PLOD2: variants seen among roughly 807,000 people sequenced by gnomAD.
The protein encoded by PLOD2 is procollagen-lysine,2-oxoglutarate 5-dioxygenase 2.
A neutral mutation model predicts 101.0 loss-of-function variants in PLOD2; 65 were observed. That is an observed-to-expected ratio of 0.64 (90% CI 0.53 to 0.79). The LOEUF (loss-of-function observed/expected upper bound fraction) is 0.79. Among genes scored for constraint, PLOD2 ranks in the 30% least tolerant of loss-of-function variants. PLOD2 has a pLI of 0.00. For synonymous variants in PLOD2, 314 were observed against 302.9 expected, an observed-to-expected ratio of 1.04 and a Z score of -0.38; for missense variants, 909 against 914.6, an observed-to-expected ratio of 0.99 and a Z score of 0.08.
rs771610243 is a variant in PLOD2, at chr3:146,088,538, A to G, written c.1005+48T>C. ...CATAAATAACAAATAGTTCCAAAAA[A>G]GACCAAAAATAGTTTTGACATAAAA... On this transcript the variant is annotated intron_variant, in intron 9 of 19. Coordinates refer to ENST00000282903, the MANE Select transcript of PLOD2 (RefSeq NM_182943.3). 21 of 1,331,430 alleles carry G rather than the reference A, an allele frequency of 1.6e-5. No individual in the cohort carries two copies. The African/African-American group carries it at 2.5e-4, about 16-fold the overall frequency. The allele number at this position is 1,331,430 out of a possible 1,614,324, so 82.5% of individuals were successfully genotyped here.
intron 9 of PLOD2, among the ~76,000 whole-genome samples, chr3:146,087,401 T>C (rs1374857015): frequency 2.0e-5 from 3 of 151,704 alleles, no homozygotes; most frequent in African/African-American, 7.3e-5. Flanking sequence ...GAGAGTAAAA[T>C]AAATGGTCAT....
rs2030638778 is a variant in PLOD2, at chr3:146,127,455, A to AG, written c.110-3227dup. Among the ~76,000 whole-genome samples the AG allele has an allele frequency of 2.0e-5, 3 of 152,096 alleles. No homozygotes were observed. The South Asian group carries it at 6.2e-4, about 32-fold the overall frequency. On this transcript the variant is annotated intron_variant, in intron 1 of 19. Coordinates refer to ENST00000282903, the MANE Select transcript of PLOD2 (RefSeq NM_182943.3). ...TTCGGTTTTCCAAGTTAGCTCACAT[A>AG]GGATAATGGCCTCCAGCTCCATTCA... is the stretch of plus-strand genomic sequence containing the variant.
chr3:146,110,923 A>G (rs939591070), intron 3 of PLOD2, among the ~76,000 whole-genome samples: 1 of 152,326 alleles, frequency 6.6e-6, no homozygotes, highest in Admixed American at 6.5e-5. Context: ...TGTATGTTTA[A>G]TATCTGAATG....
chr3:146,124,802 GACA>G (rs747215779), intron 1 of PLOD2, among the ~76,000 whole-genome samples: 3 of 151,884 alleles, frequency 2.0e-5, no homozygotes, highest in Non-Finnish European at 4.4e-5. Context: ...TCTTACAAGC[GACA>G]ACATTATTTA....
chr3:146,151,843 G>C (rs76533001), intron 1 of PLOD2, among the ~76,000 whole-genome samples: 1,811 of 152,174 alleles, frequency 0.012, 39 homozygotes, highest in African/African-American at 0.042. Flanking sequence ...ACACAGACTA[G>C]CCAGTCAATA....
chr3:146,112,722 G>A (rs1016414818), intron 3 of PLOD2, among the ~76,000 whole-genome samples: 1 of 151,902 alleles, frequency 6.6e-6, no homozygotes, highest in African/African-American at 2.4e-5. Flanking sequence ...GTGGTGATGT[G>A]CGCCTGTAAT....
chr3:146,160,385 G>A (rs762775596), intron 1 of PLOD2, among the ~76,000 whole-genome samples: 2 of 152,168 alleles, frequency 1.3e-5, no homozygotes, highest in Non-Finnish European at 2.9e-5. Flanking sequence ...AACAACTAAG[G>A]TTTTCGAGCG....
At chr3:146,090,181 A>T (rs1240907827) in intron 8 of PLOD2, among the ~76,000 whole-genome samples, 1 of 151,404 alleles carries the variant, frequency 6.6e-6, no homozygotes, top group African/African-American at 2.4e-5. Flanking sequence ...ACTCTGAGAT[A>T]ATCACTATGA....
Position 146,081,824 on chromosome 3 carries a change from C to T in PLOD2, c.1272G>A (p.Leu424=). 6.2e-7 allele frequency: 1 copy of T among 1,612,698 alleles called. No individual in the cohort carries two copies. Among genetic ancestry groups the T allele is most frequent in the South Asian group, 1.1e-5 (1 of 91,062 alleles). ...TCAATGCTCCCCAGAAATTGGACCA[C>T]AGCTTTCCATGACGAGTTACAAGAG... ...IAPLVTRHGK[L]WSNFWGALSP... The change falls in exon 12 of 20, where the codon CTG becomes CTA. Residue 424 remains leucine, a synonymous_variant. Coordinates refer to ENST00000282903, the MANE Select transcript of PLOD2 (RefSeq NM_182943.3).
At chr3:146,079,892 GA>G (rs1936473092) in intron 12 of PLOD2, among the ~76,000 whole-genome samples, 1 of 151,842 alleles carries the variant, frequency 6.6e-6, no homozygotes, top group Non-Finnish European at 1.5e-5. Context: ...ATATTTTATA[GA>G]AAAAGGAAAA....
At chr3:146,094,622 T>C (rs547220227) in intron 7 of PLOD2, among the ~76,000 whole-genome samples, 35 of 152,160 alleles carry the variant, frequency 2.3e-4, no homozygotes, top group South Asian at 1.7e-3. Flanking sequence ...ATGCTCATAA[T>C]AACGTGAAAA....
chr3:146,109,136 A>C (rs1438571406), intron 4 of PLOD2, among the ~76,000 whole-genome samples: 2 of 152,248 alleles, frequency 1.3e-5, no homozygotes, highest in African/African-American at 2.4e-5. Context: ...AGTAACCAAT[A>C]TGATAAACCT....
intron 1 of PLOD2, among the ~76,000 whole-genome samples, chr3:146,140,164 A>AT (rs2031451870): frequency 6.6e-6 from 1 of 151,648 alleles, no homozygotes; most frequent in Non-Finnish European, 1.5e-5. Context: ...TATGTCTGAA[A>AT]GAGTCAATGT....
At chr3:146,139,911 G>A (rs968705793) in intron 1 of PLOD2, among the ~76,000 whole-genome samples, 8 of 151,904 alleles carry the variant, frequency 5.3e-5, no homozygotes, top group East Asian at 1.9e-4. Context: ...TCCTCACCTC[G>A]TATACAGTCA....
chr3:146,148,933 T>TA (rs2031926250), intron 1 of PLOD2, among the ~76,000 whole-genome samples: 1 of 152,186 alleles, frequency 6.6e-6, no homozygotes, highest in East Asian at 1.9e-4. Context: ...TTCCATTTGT[T>TA]ACGGTTAATA....
intron 1 of PLOD2, among the ~76,000 whole-genome samples, chr3:146,135,534 AT>A (rs2031181933): frequency 6.6e-6 from 1 of 152,126 alleles, no homozygotes; most frequent in African/African-American, 2.4e-5. Flanking sequence ...CAAGTTGGAG[AT>A]CTAAAAAATA....
intron 11 of PLOD2, among the ~76,000 whole-genome samples, chr3:146,082,489 C>A (rs1936588464): frequency 6.6e-6 from 1 of 152,120 alleles, no homozygotes; most frequent in Non-Finnish European, 1.5e-5. Context: ...TTTTAGAAAG[C>A]AAATTTATGG....
At chr3:146,103,826 T>TACACACACAC (rs3059069) in intron 6 of PLOD2, among the ~76,000 whole-genome samples, 2 of 146,508 alleles carry the variant, frequency 1.4e-5, no homozygotes, top group African/African-American at 2.5e-5. Context: ...CACGAGCATG[T>TACACACACAC]ACACACACAC....
chr3:146,127,670 C>A (rs1433261963), intron 1 of PLOD2, among the ~76,000 whole-genome samples: 1 of 152,070 alleles, frequency 6.6e-6, no homozygotes, highest in Admixed American at 6.6e-5. Context: ...GTAATGACTT[C>A]TTTCCCTTTG....
Sources: allele counts gnomAD v4.1 joint callset (sites outside exome capture counted in the v4.1 genomes callset), GRCh38; gene constraint gnomAD v4.1.1; transcripts MANE v1.5; gene names NCBI Gene and HGNC (gene_info 2026-07-23, HGNC 2026-07-21).